The following BCAR3 variants were observed in gnomAD, a reference collection of about 807,000 sequenced individuals.
BCAR3 encodes the protein BCAR3 adaptor protein, NSP family member.
BCAR3 carries 37 observed loss-of-function variants against 80.1 expected under a neutral mutation model. The observed-to-expected ratio is 0.46, with a 90% confidence interval of 0.36 to 0.61. The LOEUF is 0.61. BCAR3 is among the 20% of genes least tolerant of loss of function. The probability of loss-of-function intolerance (pLI) is 0.00; values close to 1 mark genes in which losing one functional copy is unlikely to be tolerated. For missense variants in BCAR3, 978 were observed against 1,068.2 expected (o/e 0.92, Z 1.18); for synonymous variants, 389 against 418.9 (o/e 0.93, Z 0.87).
intron 8 of BCAR3, among the ~76,000 whole-genome samples, chr1:93,573,609 T>TTTTTTA (rs760911546): frequency 1.3e-4 from 18 of 142,812 alleles, no homozygotes; most frequent in African/African-American, 4.6e-4. Flanking sequence ...AAAATATATT[T>TTTTTTA]TTATTATTAT....
At chr1:93,753,404 C>A (rs1445238012) in intron 2 of BCAR3, 1 of 152,230 alleles carries the variant, frequency 6.6e-6, no homozygotes, top group African/African-American at 2.4e-5. Context: ...AGAAGCCTAT[C>A]TCTTGGTAGT....
chr1:93,773,820 T>TA (rs1414160417), intron 2 of BCAR3, among the ~76,000 whole-genome samples: 1 of 152,108 alleles, frequency 6.6e-6, no homozygotes, highest in African/African-American at 2.4e-5. Context: ...TTTTTAAAAA[T>TA]AAAAAACAGA....
intron 2 of BCAR3, among the ~76,000 whole-genome samples, chr1:93,741,662 G>A (rs949599530): frequency 2.6e-5 from 4 of 152,000 alleles, no homozygotes; most frequent in Non-Finnish European, 5.9e-5. Flanking sequence ...TCCACCTCCC[G>A]GCTTCAAGTG....
chr1:93,774,583 T>C (rs1401751533), intron 2 of BCAR3, among the ~76,000 whole-genome samples: 1 of 152,126 alleles, frequency 6.6e-6, no homozygotes, highest in African/African-American at 2.4e-5. Context: ...ACATAGCCTG[T>C]ACTGAGACAG....
chr1:93,841,955 C>T (rs888517958), intron 2 of BCAR3, among the ~76,000 whole-genome samples: 2 of 152,160 alleles, frequency 1.3e-5, no homozygotes, highest in African/African-American at 4.8e-5. Context: ...GGTTTCTACC[C>T]TGCGCCCTAG....
In BCAR3 at chr1:93,780,152, C is replaced by T. The variant is rs1019542581; in HGVS notation, c.-63+65415G>A. On this transcript the variant is annotated intron_variant, in intron 2 of 13. Transcript: ENST00000370244. ...ACTCCTCTGTGGCCTTCCTTTGCCA[C>T]CTTTTTCATGGAAGGCTGCTCATTT... is the stretch of plus-strand genomic sequence containing the variant. Among the ~76,000 whole-genome samples the T allele has an allele frequency of 6.6e-5, 10 of 152,192 alleles. No homozygotes were observed. The East Asian group carries it at 1.9e-3, about 29-fold the overall frequency.
At chr1:93,737,792 T>C (rs1651027601) in intron 2 of BCAR3, among the ~76,000 whole-genome samples, 1 of 152,086 alleles carries the variant, frequency 6.6e-6, no homozygotes, top group Admixed American at 6.6e-5. Context: ...AGTTTCTGTT[T>C]GGGTGGTCAA....
chr1:93,713,180 G>T lies in BCAR3; in HGVS notation c.-62-7038C>A, dbSNP rs189289483. ...TAATTAACTTAAACTTAAATAACCA[G>T]ACACGGGTAGTGGCTTCTGTATTGG... is the stretch of plus-strand genomic sequence containing the variant. On this transcript the variant is annotated intron_variant, in intron 2 of 13. Coordinates refer to the BCAR3 transcript ENST00000370244. Among the ~76,000 whole-genome samples, 246 of 152,260 alleles carry T rather than the reference G, an allele frequency of 1.6e-3. 1 individual carries two copies. The highest frequency in any genetic ancestry group is 5.7e-3 in the African/African-American group (236 of 41,550).
At chr1:93,688,049 T>G (rs1309588743) in intron 3 of BCAR3, among the ~76,000 whole-genome samples, 1 of 152,234 alleles carries the variant, frequency 6.6e-6, no homozygotes, top group Non-Finnish European at 1.5e-5. Context: ...TTCTGCAATA[T>G]TTTCAGAAGT....
intron 2 of BCAR3, among the ~76,000 whole-genome samples, chr1:93,767,939 C>T (rs1015824628): frequency 8.5e-5 from 13 of 152,060 alleles, no homozygotes; most frequent in African/African-American, 3.1e-4. Context: ...GTTACAAAAG[C>T]ACATATTTCT....
chr1:93,737,578 C>A (rs1490160689), intron 2 of BCAR3, among the ~76,000 whole-genome samples: 1 of 152,178 alleles, frequency 6.6e-6, no homozygotes, highest in Non-Finnish European at 1.5e-5. Flanking sequence ...ACCGACCCTG[C>A]TGACATCTTG....
intron 3 of BCAR3, among the ~76,000 whole-genome samples, chr1:93,689,193 A>G (rs1010520023): frequency 6.6e-6 from 1 of 151,986 alleles, no homozygotes. Context: ...GGGAGAGATT[A>G]AAAGTGCTGG....
At chr1:93,807,499 G>A (rs941740986) in intron 2 of BCAR3, among the ~76,000 whole-genome samples, 8 of 152,152 alleles carry the variant, frequency 5.3e-5, no homozygotes, top group African/African-American at 1.2e-4. Context: ...TGAGCTCTGC[G>A]GAAGGTGGTG....
chr1:93,802,937 C>T (rs753013831), intron 2 of BCAR3, among the ~76,000 whole-genome samples: 1 of 152,150 alleles, frequency 6.6e-6, no homozygotes, highest in Non-Finnish European at 1.5e-5. Context: ...ACCAACTAAT[C>T]GTGTTCAGGG....
intron 11 of BCAR3, among the ~76,000 whole-genome samples, chr1:93,565,609 T>C (rs114456776): frequency 0.01 from 1,533 of 152,358 alleles, 35 homozygotes; most frequent in African/African-American, 0.035. Flanking sequence ...TATTGGCTTA[T>C]GCAACATCCA....
At chr1:93,692,538 G>T (rs1649232100) in intron 3 of BCAR3, among the ~76,000 whole-genome samples, 1 of 152,230 alleles carries the variant, frequency 6.6e-6, no homozygotes, top group South Asian at 2.1e-4. Context: ...TAAGAACTTT[G>T]TGTGCATCAT....
chr1:93,637,728 G>C (rs1675836607), intron 3 of BCAR3, among the ~76,000 whole-genome samples: 1 of 152,070 alleles, frequency 6.6e-6, no homozygotes, highest in African/African-American at 2.4e-5. Context: ...ACATGAAATG[G>C]TATCCTGTTC....
At chr1:93,584,620 G>A (rs1237448016) in intron 5 of BCAR3, among the ~76,000 whole-genome samples, 2 of 152,192 alleles carry the variant, frequency 1.3e-5, no homozygotes, top group Non-Finnish European at 2.9e-5. Context: ...ATAACCTGCA[G>A]GACTGCCTGG....
intron 2 of BCAR3, among the ~76,000 whole-genome samples, chr1:93,724,290 A>T (rs1475302509): frequency 2.0e-5 from 3 of 152,122 alleles, no homozygotes; most frequent in Admixed American, 2.0e-4. Context: ...CCACCATCAC[A>T]CCAGTCCCAT....
Sources: gnomAD v4.1 joint callset for allele counts (sites outside exome capture counted in the v4.1 genomes callset) on GRCh38, gnomAD v4.1.1 for gene constraint, MANE v1.5 for transcripts, NCBI Gene and HGNC (gene_info 2026-07-23, HGNC 2026-07-21) for gene names.